The following EI24 variants were observed in gnomAD, a reference collection of about 807,000 sequenced individuals.
EI24 encodes the protein etoposide-induced protein 2.4 homolog.
EI24 carries 21 observed loss-of-function variants against 48.6 expected under a neutral mutation model. The observed-to-expected ratio is 0.43, with a 90% CI of 0.31 to 0.62. EI24 has a LOEUF of 0.62. Among genes scored for constraint, EI24 ranks in the 20% least tolerant of loss-of-function variants. The probability of loss-of-function intolerance (pLI) is 0.10; values close to 1 mark genes in which losing one functional copy is unlikely to be tolerated. For synonymous variants in EI24, 114 were observed against 145.5 expected (o/e 0.78, Z 1.56); for missense variants, 280 against 410.5 (o/e 0.68, Z 2.75).
At position 125,580,162 on chromosome 11, in the gene EI24, C is replaced by G; in HGVS notation, c.631C>G (p.Leu211Val). ...QLVSLLHMSL[L>V]YSLYCFEYRW... ...GGTTAGTCTCCTGCATATGTCCCTT[C>G]TCTACTCACTGTACTGCTTTGAATA... Residue 211 changes from leucine to valine, a missense_variant, in exon 8 of 11, where the codon CTC (leucine) becomes GTC (valine). This residue lies in a region of EI24 where 204 missense variants were observed against 294.1 expected (regional missense o/e 0.69). Transcript: ENST00000278903. 6.2e-7 allele frequency: 1 copy of G among 1,613,786 alleles called. No individual in the cohort carries two copies. Among genetic ancestry groups the G allele is most frequent in the Non-Finnish European group, 8.5e-7 (1 of 1,179,674 alleles).
chr11:125,577,579 A>G lies in EI24; in HGVS notation c.316+9A>G. 6.2e-7 allele frequency: 1 copy of G among 1,611,114 alleles called. No homozygotes were observed. The highest frequency in any genetic ancestry group is 8.5e-7 in the Non-Finnish European group (1 of 1,177,804). On this transcript the variant is annotated intron_variant, in intron 5 of 10. Transcript: ENST00000278903. ...AACAGCCCGAATTATCGGTAAGTGT[A>G]TACCCTGCTCCTTGTCTGTTGGGGA... is the stretch of plus-strand genomic sequence containing the variant.
intron 7 of EI24, 80 bp from the exon 8 acceptor site, chr11:125,580,013 A>G (rs987161901): frequency 9.7e-6 from 11 of 1,130,624 alleles, no homozygotes; most frequent in Middle Eastern, 2.1e-4. Context: ...GCTATCTCAG[A>G]CAGTGATTGG....
At chr11:125,575,805 G>A (rs1184854778) in intron 3 of EI24, 4 of 251,020 alleles carry the variant, frequency 1.6e-5, no homozygotes, top group Admixed American at 5.2e-5. Flanking sequence ...TTTTTGAGAC[G>A]GATTCTTGCC....
intron 9 of EI24, 150 bp from the exon 10 acceptor site, chr11:125,582,196 C>G: frequency 2.7e-6 from 2 of 732,320 alleles, no homozygotes; most frequent in Non-Finnish European, 4.1e-6. Context: ...GCGACTCCAT[C>G]TCAAAAAAAA....
chr11:125,575,407 A>G lies in EI24; in HGVS notation c.187A>G (p.Ser63Gly). 6.3e-7 allele frequency: 1 copy of G among 1,587,580 alleles called. No homozygotes were observed. Among genetic ancestry groups the G allele is most frequent in the Non-Finnish European group, 8.6e-7 (1 of 1,165,276 alleles). The part of the protein sequence containing the change: ...RAQSIERKQE[S>G]EPRIVSRIFQ... ...CCAGAGTATAGAGCGGAAGCAAGAG[A>G]GGTAAGGAGTGCATGCCTGATATCA... The change falls in exon 3 of 11, where the codon AGT becomes GGT. Residue 63 changes from serine (S) to glycine (G), a missense_variant and splice_region_variant. Coordinates refer to ENST00000278903, the MANE Select transcript of EI24 (RefSeq NM_004879.5).
rs748272966 is a variant in EI24 at position 125,583,666 on chromosome 11, G to A, written c.1006G>A (p.Ala336Thr). ...GCATCCGTCGCCTGCCAAACTGAAG[G>A]CTACTGCAGGTCACTGAGTTGCCTG... is the stretch of plus-strand genomic sequence containing the variant. ...SPHPSPAKLKATAGH is the reference protein window; with the variant it reads ...SPHPSPAKLKTTAGH Residue 336 changes from alanine (A) to threonine (T), a missense_variant, in exon 11 of 11, where the codon GCT (alanine) becomes ACT (threonine). This residue lies in a region of EI24 where 62 missense variants were observed against 65.1 expected (regional missense o/e 0.95). Transcript: ENST00000278903. The A allele has an allele frequency of 2.2e-5, 36 of 1,612,782 alleles. No homozygotes were observed. In the East Asian group the frequency reaches 6.2e-4, roughly 28 times the overall value.
chr11:125,577,572 TA>T lies in EI24; in HGVS notation c.316+4del, dbSNP rs1938801562. 1 of 1,612,878 alleles carries T rather than the reference TA, an allele frequency of 6.2e-7. No homozygotes were observed. The highest frequency in any genetic ancestry group is 8.5e-7 in the Non-Finnish European group (1 of 1,179,024). On this transcript the variant is annotated splice_donor_region_variant and intron_variant, in intron 5 of 10. Transcript: ENST00000278903. ...AGTCGGTAACAGCCCGAATTATCGG[TA>T]AGTGTATACCCTGCTCCTTGTCTGT... is the stretch of plus-strand genomic sequence containing the variant.
intron 2 of EI24, 133 bp downstream of exon 2, chr11:125,572,702 T>C: frequency 1.2e-6 from 1 of 817,188 alleles, no homozygotes; most frequent in South Asian, 1.7e-5. Flanking sequence ...AAGGTTGTTA[T>C]TCTAGACCAC....
intron 10 of EI24, among the ~76,000 whole-genome samples, 179 bp downstream of exon 10, chr11:125,582,599 C>T (rs571041243): frequency 3.9e-5 from 6 of 152,202 alleles, no homozygotes; most frequent in Admixed American, 3.9e-4. Flanking sequence ...TGCATATATG[C>T]ACATGAGTAT....
intron 2 of EI24, among the ~76,000 whole-genome samples, chr11:125,573,759 G>A (rs558544718): frequency 7.6e-6 from 1 of 131,162 alleles, no homozygotes; most frequent in South Asian, 2.4e-4. Flanking sequence ...TCGGCTCACT[G>A]CAACCTCCAC....
At chr11:125,569,793 C>T (rs1938464845) in intron 1 of EI24, 2 of 275,820 alleles carry the variant, frequency 7.3e-6, no homozygotes, top group African/African-American at 2.2e-5. Context: ...CCTGTGTGAC[C>T]CGGAGCGTGC....
intron 4 of EI24, among the ~76,000 whole-genome samples, 181 bp downstream of exon 4, chr11:125,576,496 CTT>C (rs1438275010): frequency 6.6e-6 from 1 of 152,226 alleles, no homozygotes; most frequent in East Asian, 1.9e-4. Flanking sequence ...GGAAAGCACA[CTT>C]ATATGTAAGC....
intron 4 of EI24, among the ~76,000 whole-genome samples, chr11:125,577,082 T>TTTTA (rs1178542481): frequency 3.3e-5 from 5 of 152,088 alleles, no homozygotes; most frequent in Non-Finnish European, 7.4e-5. Flanking sequence ...TCCTGATTTA[T>TTTTA]TTTATTTATT....
chr11:125,573,475 G>A lies in EI24; in HGVS notation c.42+906G>A, dbSNP rs551587222. The A allele has an allele frequency of 1.4e-3, 432 of 313,450 alleles. 5 individuals carry two copies. The highest frequency in any genetic ancestry group is 2.6e-3 in the South Asian group (101 of 38,286). 19.4% of individuals were successfully genotyped at this position (313,450 alleles called of 1,614,324 possible). On this transcript the variant is annotated intron_variant, in intron 2 of 10. Transcript: ENST00000278903. ...GGTTACCTTTATGGCCAGGGGAGGTGGCTCACAGCTGTAATCTCAGCACTT... is the reference window on the plus strand; with the variant it reads ...GGTTACCTTTATGGCCAGGGGAGGTAGCTCACAGCTGTAATCTCAGCACTT...
At chr11:125,575,454 C>T in intron 3 of EI24, 46 bp downstream of exon 3, 4 of 1,479,276 alleles carry the variant, frequency 2.7e-6, no homozygotes, top group Non-Finnish European at 3.6e-6. Context: ...GGAGGGAAGA[C>T]CTTACATAGT....
In EI24 at chr11:125,578,938, C is replaced by G. The variant is rs887866286; in HGVS notation, c.442-11C>G. On this transcript the variant is annotated splice_polypyrimidine_tract_variant and intron_variant, in intron 6 of 10. Transcript: ENST00000278903. Reference sequence around the variant, plus strand: ...TTTAATTCATGTTTTGGTACACTTTCTCTGTTACAGGATATAGCTGACCTG... The same window carrying G: ...TTTAATTCATGTTTTGGTACACTTTGTCTGTTACAGGATATAGCTGACCTG... 6.4e-7 allele frequency: 1 copy of G among 1,568,806 alleles called. No individual in the cohort carries two copies. Among genetic ancestry groups the G allele is most frequent in the African/African-American group, 1.3e-5 (1 of 74,128 alleles).
At chr11:125,577,911 G>T (rs1938815212) in intron 5 of EI24, 4 of 603,880 alleles carry the variant, frequency 6.6e-6, no homozygotes, top group Non-Finnish European at 1.2e-5. Flanking sequence ...AAGCAGGTTT[G>T]TGTCAAGCAG....
intron 1 of EI24, among the ~76,000 whole-genome samples, chr11:125,571,313 A>AG (rs1938526218): frequency 6.6e-6 from 1 of 152,248 alleles, no homozygotes; most frequent in Admixed American, 6.5e-5. Context: ...AGGTTCTTAA[A>AG]AAATGCCTGA....
intron 9 of EI24, 143 bp from the exon 10 acceptor site, chr11:125,582,198 CAAAAA>C (rs1367192910): frequency 1.7e-6 from 1 of 584,130 alleles, no homozygotes; most frequent in South Asian, 2.9e-5. Flanking sequence ...GACTCCATCT[CAAAAA>C]AAAAAATGTT....
Sources: gnomAD v4.1 joint callset for allele counts (sites outside exome capture counted in the v4.1 genomes callset) on GRCh38, gnomAD v4.1.1 for gene constraint, gnomAD v4.1.1 regional missense constraint, MANE v1.5 for transcripts, NCBI Gene and HGNC (gene_info 2026-07-23, HGNC 2026-07-21) for gene names.